Variants in CTDSPL observed in about 807,000 individuals in gnomAD.
The protein encoded by CTDSPL is CTD small phosphatase like.
CTDSPL carries 8 observed loss-of-function variants against 30.5 expected under a neutral mutation model. The ratio of observed to expected loss-of-function variants is 0.26; its 90% CI spans 0.15 to 0.47. The LOEUF (loss-of-function observed/expected upper bound fraction) is 0.47. Among genes scored for constraint, CTDSPL ranks in the 20% least tolerant of loss-of-function variants. CTDSPL has a pLI of 0.99. For synonymous variants in CTDSPL, 110 were observed against 137.9 expected (o/e 0.80, Z 1.42); for missense variants, 248 against 366.1 (o/e 0.68, Z 2.63).
intron 1 of CTDSPL, among the ~76,000 whole-genome samples, chr3:37,881,378 A>C (rs1483255542): frequency 6.6e-6 from 1 of 151,754 alleles, no homozygotes; most frequent in Non-Finnish European, 1.5e-5. Flanking sequence ...AAAATACAAA[A>C]ATTAGCTGGG....
intron 2 of CTDSPL, among the ~76,000 whole-genome samples, chr3:37,949,145 G>T (rs1418421903): frequency 6.6e-6 from 1 of 152,210 alleles, no homozygotes; most frequent in African/African-American, 2.4e-5. Context: ...ACTTATCAAA[G>T]ATATTTTTAA....
intron 3 of CTDSPL, among the ~76,000 whole-genome samples, chr3:37,958,787 A>G (rs1384221336): frequency 2.6e-5 from 4 of 152,246 alleles, no homozygotes; most frequent in Non-Finnish European, 4.4e-5. Context: ...GCCCAAAGAA[A>G]CAGCCAAGCT....
At chr3:37,941,475 G>A (rs988201483) in intron 1 of CTDSPL, among the ~76,000 whole-genome samples, 28 of 147,740 alleles carry the variant, frequency 1.9e-4, no homozygotes, top group Non-Finnish European at 1.2e-4. Flanking sequence ...GAGTGTGGTG[G>A]CGTTATGTCA....
intron 2 of CTDSPL, among the ~76,000 whole-genome samples, chr3:37,949,547 A>G (rs1699084772): frequency 6.6e-6 from 1 of 152,256 alleles, no homozygotes; most frequent in Non-Finnish European, 1.5e-5. Flanking sequence ...TCTCTCACAC[A>G]CATACACATA....
intron 1 of CTDSPL, among the ~76,000 whole-genome samples, chr3:37,901,970 G>A (rs1698455254): frequency 6.6e-6 from 1 of 152,116 alleles, no homozygotes; most frequent in African/African-American, 2.4e-5. Flanking sequence ...TTTCATCTTC[G>A]TGGTTGCGAG....
chr3:37,966,717 G>A (rs975433626), intron 4 of CTDSPL, among the ~76,000 whole-genome samples: 8 of 151,636 alleles, frequency 5.3e-5, no homozygotes, highest in African/African-American at 1.9e-4. Flanking sequence ...TTTTTGTTTT[G>A]TTTTTTGTTT....
intron 6 of CTDSPL, among the ~76,000 whole-genome samples, chr3:37,974,579 T>G (rs1699404835): frequency 6.6e-6 from 1 of 152,232 alleles, no homozygotes. Flanking sequence ...CCCACTCTTT[T>G]AGGTATCTTC....
chr3:37,971,786 C>T (rs1329282289), intron 6 of CTDSPL, among the ~76,000 whole-genome samples: 1 of 152,194 alleles, frequency 6.6e-6, no homozygotes, highest in Non-Finnish European at 1.5e-5. Context: ...CAAACAGGTC[C>T]AGTGTAATGG....
chr3:37,870,985 A>T (rs1017599169), intron 1 of CTDSPL, among the ~76,000 whole-genome samples: 1 of 152,162 alleles, frequency 6.6e-6, no homozygotes, highest in African/African-American at 2.4e-5. Context: ...CCAAGAACAT[A>T]AGGGTTCACT....
chr3:37,921,908 G>A (rs1211049414), intron 1 of CTDSPL, among the ~76,000 whole-genome samples: 1 of 152,168 alleles, frequency 6.6e-6, no homozygotes, highest in Non-Finnish European at 1.5e-5. Context: ...CTCCTTGCAG[G>A]GAGGAGGAAT....
At chr3:37,870,269 A>T (rs1698057589) in intron 1 of CTDSPL, among the ~76,000 whole-genome samples, 1 of 152,058 alleles carries the variant, frequency 6.6e-6, no homozygotes. Context: ...TCTCTTTCAG[A>T]TTGGGCAACT....
chr3:37,911,440 C>T (rs1467912030), intron 1 of CTDSPL, among the ~76,000 whole-genome samples: 4 of 152,164 alleles, frequency 2.6e-5, no homozygotes, highest in Non-Finnish European at 5.9e-5. Flanking sequence ...AAATTAAGAG[C>T]AGGGCCTGCA....
chr3:37,978,431 C>A (rs1018329123), intron 7 of CTDSPL, among the ~76,000 whole-genome samples: 5 of 152,002 alleles, frequency 3.3e-5, no homozygotes, highest in African/African-American at 1.2e-4. Context: ...GGGGATGGAA[C>A]CAAGTCTAAA....
chr3:37,925,709 G>T (rs2125612566), intron 1 of CTDSPL, among the ~76,000 whole-genome samples: 1 of 152,298 alleles, frequency 6.6e-6, no homozygotes, highest in African/African-American at 2.4e-5. Context: ...TAAGCAGAAG[G>T]GATGCTTGTT....
rs142130432 is a variant in CTDSPL at position 37,918,792 on chromosome 3, C to T, written c.80-28265C>T. Among the ~76,000 whole-genome samples, 342 of 152,154 alleles carry T rather than the reference C, an allele frequency of 2.2e-3. 1 individual carries two copies. Among genetic ancestry groups the T allele is most frequent in the African/African-American group, 8.0e-3 (331 of 41,488 alleles). On this transcript the variant is annotated intron_variant, in intron 1 of 7. Coordinates refer to ENST00000273179, the MANE Select transcript of CTDSPL (RefSeq NM_001008392.2). ...CTTGGAAACAATTTGATTCCTTCAC[C>T]CAACAAACATTCAAACTGTATGTGA...
Position 37,982,462 on chromosome 3 carries a change from T to C in CTDSPL, c.*1595T>C, listed in dbSNP as rs1699503236. 1 of 449,872 alleles carries C rather than the reference T, an allele frequency of 2.2e-6. No homozygotes were observed. Among genetic ancestry groups the C allele is most frequent in the South Asian group, 1.6e-5 (1 of 63,688 alleles). 27.9% of individuals were successfully genotyped at this position (449,872 alleles called of 1,614,324 possible). ...TTGGCACCATTGCCTTAGTCCTCTGTGGGTTGGTCTTCAGCCAGCATTCTG... is the reference window on the plus strand; with the variant it reads ...TTGGCACCATTGCCTTAGTCCTCTGCGGGTTGGTCTTCAGCCAGCATTCTG... On this transcript the variant is annotated 3_prime_UTR_variant, in exon 8 of 8. Coordinates refer to ENST00000273179, the MANE Select transcript of CTDSPL (RefSeq NM_001008392.2).
chr3:37,936,537 A>G (rs1409156341), intron 1 of CTDSPL, among the ~76,000 whole-genome samples: 1 of 151,858 alleles, frequency 6.6e-6, no homozygotes, highest in Non-Finnish European at 1.5e-5. Context: ...TTAGACACCC[A>G]TTCCAAACCA....
intron 1 of CTDSPL, among the ~76,000 whole-genome samples, chr3:37,928,791 C>T (rs1436623224): frequency 6.6e-6 from 1 of 152,130 alleles, no homozygotes; most frequent in East Asian, 1.9e-4. Flanking sequence ...TGATGTAGTG[C>T]CACTTGTCTA....
At chr3:37,936,154 C>G (rs1698912731) in intron 1 of CTDSPL, among the ~76,000 whole-genome samples, 1 of 152,162 alleles carries the variant, frequency 6.6e-6, no homozygotes, top group Non-Finnish European at 1.5e-5. Context: ...CTTGCTCCTT[C>G]CCTTGGTTTG....
Sources: gnomAD v4.1 joint callset for allele counts (sites outside exome capture counted in the v4.1 genomes callset) on GRCh38, gnomAD v4.1.1 for gene constraint, MANE v1.5 for transcripts, NCBI Gene and HGNC (gene_info 2026-07-23, HGNC 2026-07-21) for gene names.